The following TMPRSS15 variants were observed in gnomAD, a reference collection of about 807,000 sequenced individuals.
TMPRSS15 encodes transmembrane serine protease 15.
Under a neutral mutation model 125.3 loss-of-function variants are expected in TMPRSS15, and 128 were observed. The ratio of observed to expected loss-of-function variants is 1.02; its 90% CI spans 0.89 to 1.18. The LOEUF (loss-of-function observed/expected upper bound fraction) is 1.18, where lower values mean the gene tolerates loss of function less well. Among genes scored for constraint, TMPRSS15 ranks in the 50% most tolerant of loss-of-function variants. TMPRSS15 has a pLI of 0.00. For missense variants in TMPRSS15, 1,283 were observed against 1,212.7 expected (o/e 1.06, Z -0.86); for synonymous variants, 446 against 423.2 (o/e 1.05, Z -0.66).
intron 10 of TMPRSS15, among the ~76,000 whole-genome samples, chr21:18,352,368 A>C (rs1180179795): frequency 6.6e-6 from 1 of 152,072 alleles, no homozygotes; most frequent in Non-Finnish European, 1.5e-5. Flanking sequence ...AGGGCTTCTC[A>C]GAAGAAGCAA....
chr21:18,393,327 A>G (rs1053984079), intron 3 of TMPRSS15, among the ~76,000 whole-genome samples: 1 of 152,234 alleles, frequency 6.6e-6, no homozygotes, highest in Non-Finnish European at 1.5e-5. Flanking sequence ...ATAATAAAGC[A>G]TGTTCTAGTA....
intron 1 of TMPRSS15, among the ~76,000 whole-genome samples, chr21:18,436,965 A>T (rs1353400818): frequency 1.5e-5 from 2 of 134,524 alleles, no homozygotes; most frequent in African/African-American, 2.8e-5. Context: ...ACAGAATTGG[A>T]AAAAACTACT....
At chr21:18,320,680 GA>G (rs1485671380) in intron 16 of TMPRSS15, among the ~76,000 whole-genome samples, 1 of 152,168 alleles carries the variant, frequency 6.6e-6, no homozygotes, top group Non-Finnish European at 1.5e-5. Context: ...GCTGAATGGG[GA>G]AAACTGATCT....
Position 18,352,959 on chromosome 21 carries a change from C to A in TMPRSS15, c.1115G>T (p.Ser372Ile). 1 of 1,612,312 alleles carries A rather than the reference C, an allele frequency of 6.2e-7. No individual in the cohort carries two copies. Among genetic ancestry groups the A allele is most frequent in the Non-Finnish European group, 8.5e-7 (1 of 1,178,910 alleles). The change falls in exon 10 of 25, where the codon AGC becomes ATC. Residue 372 changes from serine to isoleucine, a missense_variant. By Grantham distance (142) the Ser-to-Ile change is moderately radical. Coordinates refer to ENST00000284885, the MANE Select transcript of TMPRSS15 (RefSeq NM_002772.3). ...GGGTCCAGTAAAAGGAGAAAAGGTG[C>A]TTCCCTGAATCCTTTCCCATTCATT... ...DDNEWERIQG[S>I]TFSPFTGPNF...
intron 5 of TMPRSS15, among the ~76,000 whole-genome samples, chr21:18,377,677 T>C (rs1169530459): frequency 6.6e-6 from 1 of 152,144 alleles, no homozygotes; most frequent in Non-Finnish European, 1.5e-5. Flanking sequence ...GTATGTTACT[T>C]GTTGATCTTT....
At chr21:18,480,969 G>C (rs1472351439) in intron 1 of TMPRSS15, among the ~76,000 whole-genome samples, 2 of 151,754 alleles carry the variant, frequency 1.3e-5, no homozygotes, top group African/African-American at 4.8e-5. Context: ...AATCAACATT[G>C]AGTCATTGAT....
chr21:18,394,862 TCTGA>T (rs2076020504), intron 3 of TMPRSS15, among the ~76,000 whole-genome samples: 1 of 152,222 alleles, frequency 6.6e-6, no homozygotes, highest in African/African-American at 2.4e-5. Context: ...CTCATTCCAC[TCTGA>T]CTTTCTGAGT....
intron 5 of TMPRSS15, among the ~76,000 whole-genome samples, chr21:18,372,751 G>T (rs2075804628): frequency 6.6e-6 from 1 of 152,096 alleles, no homozygotes; most frequent in Admixed American, 6.5e-5. Context: ...TTGTTCCTTG[G>T]GTCAGAGATT....
At chr21:18,440,292 G>C (rs1441984491) in intron 1 of TMPRSS15, among the ~76,000 whole-genome samples, 2 of 147,322 alleles carry the variant, frequency 1.4e-5, no homozygotes, top group African/African-American at 5.1e-5. Context: ...AGAATGGCGT[G>C]AACCCGGGAG....
chr21:18,375,775 T>C (rs190889738), intron 5 of TMPRSS15, among the ~76,000 whole-genome samples: 1 of 152,334 alleles, frequency 6.6e-6, no homozygotes, highest in Non-Finnish European at 1.5e-5. Context: ...CACTCAAAGA[T>C]GATTATTTCA....
Position 18,397,899 on chromosome 21 carries a change from G to A in TMPRSS15, c.324C>T (p.Asn108=), listed in dbSNP as rs779707268. ...LSSNLKNEYK[N]SRVLQFENGS... is the part of the protein sequence containing the mutation. ...CTCACTCAAATTGTAAAACTCTTGA[G>A]TTCTTATATTCATTCTTCAGATTGC... The change falls in exon 3 of 25, where the codon AAC becomes AAT. Residue 108 remains asparagine (N), a synonymous_variant. Transcript: ENST00000284885. 34 of 1,550,588 alleles carry A rather than the reference G, an allele frequency of 2.2e-5. No homozygotes were observed. The East Asian group carries it at 7.7e-4, about 35-fold the overall frequency.
intron 5 of TMPRSS15, 124 bp from the exon 6 acceptor site, chr21:18,372,448 A>C: frequency 1.3e-6 from 1 of 799,968 alleles, no homozygotes; most frequent in Admixed American, 2.6e-5. Context: ...CCATAGGAAT[A>C]TTTATTTCAT....
intron 1 of TMPRSS15, among the ~76,000 whole-genome samples, chr21:18,483,728 TAGACTTTTAAATATATTTTTA>T (rs1460295238): frequency 6.6e-6 from 1 of 151,984 alleles, no homozygotes; most frequent in East Asian, 1.9e-4. Flanking sequence ...CTCACTTTTC[TAGACTTTTAAATATATTTTTA>T]AGGTATAGCA....
chr21:18,351,792 T>C (rs977123835), intron 10 of TMPRSS15, among the ~76,000 whole-genome samples: 1 of 152,122 alleles, frequency 6.6e-6, no homozygotes, highest in South Asian at 2.1e-4. Context: ...AAAAGAATAC[T>C]GTGGTAAAAA....
At chr21:18,294,513 T>C in intron 20 of TMPRSS15, 69 bp from the exon 21 acceptor site, 1 of 1,604,934 alleles carries the variant, frequency 6.2e-7, no homozygotes. Context: ...GAAAATTGAG[T>C]GGTAACAAAA....
chr21:18,279,193 T>C, intron 22 of TMPRSS15, 134 bp from the exon 23 acceptor site: 1 of 607,292 alleles, frequency 1.6e-6, no homozygotes, highest in Non-Finnish European at 2.9e-6. Context: ...TAATCCTACC[T>C]GTAAAAATTT....
At chr21:18,433,884 C>T (rs552292519) in intron 1 of TMPRSS15, among the ~76,000 whole-genome samples, 4 of 151,992 alleles carry the variant, frequency 2.6e-5, no homozygotes, top group Admixed American at 2.0e-4. Flanking sequence ...TGAAAAATAT[C>T]TGTCCTTCAG....
chr21:18,387,216 C>T (rs1490694535), intron 3 of TMPRSS15, among the ~76,000 whole-genome samples: 5 of 151,974 alleles, frequency 3.3e-5, no homozygotes, highest in Admixed American at 6.6e-5. Context: ...GAGAATTCTT[C>T]CTTTAGGTTA....
chr21:18,414,078 T>C (rs1203603435), intron 1 of TMPRSS15, among the ~76,000 whole-genome samples: 2 of 152,236 alleles, frequency 1.3e-5, no homozygotes, highest in Non-Finnish European at 2.9e-5. Context: ...AAGGAATGCA[T>C]AGAAACTTAA....
Sources: gnomAD v4.1 joint callset for allele counts (sites outside exome capture counted in the v4.1 genomes callset) on GRCh38, gnomAD v4.1.1 for gene constraint, MANE v1.5 for transcripts, NCBI Gene and HGNC (gene_info 2026-07-23, HGNC 2026-07-21) for gene names.